Variants in RBFOX1 observed in about 807,000 individuals in gnomAD.
The protein encoded by RBFOX1 is RNA binding fox-1 homolog 1.
Under a neutral mutation model 57.7 loss-of-function variants are expected in RBFOX1, and 8 were observed. The observed-to-expected ratio is 0.14, with a 90% CI of 0.08 to 0.25. The LOEUF is 0.25. Ranked by LOEUF, RBFOX1 falls within the 10% of genes least tolerant of loss-of-function variation. The probability of loss-of-function intolerance (pLI) is 1.00; values close to 1 mark genes in which losing one functional copy is unlikely to be tolerated. For synonymous variants in RBFOX1, 326 were observed against 222.4 expected (o/e 1.47, Z -4.15); for missense variants, 611 against 548.5 (o/e 1.11, Z -1.14).
chr16:7,045,332 T>A (rs1334926042), intron 3 of RBFOX1, among the ~76,000 whole-genome samples: 1 of 152,200 alleles, frequency 6.6e-6, no homozygotes, highest in Non-Finnish European at 1.5e-5. Context: ...TAATATGGGA[T>A]GCTGTGCAGG....
chr16:6,760,342 G>C (rs943565589), intron 3 of RBFOX1, among the ~76,000 whole-genome samples: 6 of 152,142 alleles, frequency 3.9e-5, no homozygotes, highest in African/African-American at 1.2e-4. Flanking sequence ...GGGGAATCAA[G>C]ATGGTTTCAG....
intron 2 of RBFOX1, among the ~76,000 whole-genome samples, chr16:6,448,156 C>CTTTTTTTTTTTTTTTT (rs397969435): frequency 2.9e-4 from 23 of 78,470 alleles, no homozygotes; most frequent in East Asian, 9.3e-4. Flanking sequence ...TCTTTTCTTT[C>CTTTTTTTTTTTTTTTT]TTTTTTTTTT....
intron 1 of RBFOX1, among the ~76,000 whole-genome samples, chr16:5,294,060 C>T (rs987350279): frequency 3.3e-5 from 5 of 152,060 alleles, no homozygotes; most frequent in Non-Finnish European, 7.4e-5. Flanking sequence ...GAAACCCTAT[C>T]TCTATCAAAA....
intron 2 of RBFOX1, among the ~76,000 whole-genome samples, chr16:6,492,825 C>T (rs1163676574): frequency 6.6e-6 from 1 of 152,038 alleles, no homozygotes; most frequent in Non-Finnish European, 1.5e-5. Context: ...TGAGGAAGAG[C>T]CCAAAACTCA....
At chr16:7,708,172 C>T (rs1448210899) in intron 14 of RBFOX1, among the ~76,000 whole-genome samples, 2 of 151,908 alleles carry the variant, frequency 1.3e-5, no homozygotes, top group African/African-American at 4.8e-5. Context: ...GACTTTGTCT[C>T]CCCCCTCATA....
chr16:7,408,048 T>C (rs2098376547), intron 4 of RBFOX1, among the ~76,000 whole-genome samples: 1 of 152,196 alleles, frequency 6.6e-6, no homozygotes, highest in African/African-American at 2.4e-5. Context: ...AACCCTTGCT[T>C]TACACAACTG....
rs1368099240 is a variant in RBFOX1 at position 7,139,118 on chromosome 16, G to C, written c.27+87020G>C. ...CATGCATGGTCAACTTACAGATTTT[G>C]ATATTCTTACCAGTGTCTGGACATC... On this transcript the variant is annotated intron_variant, in intron 4 of 15. Transcript: ENST00000550418. Among the ~76,000 whole-genome samples, 3 of 151,028 alleles carry C rather than the reference G, an allele frequency of 2.0e-5. No homozygotes were observed. The East Asian group carries it at 5.9e-4, about 29-fold the overall frequency.
chr16:5,906,010 G>T (rs4786790), intron 4 of RBFOX1, among the ~76,000 whole-genome samples: 1 of 152,220 alleles, frequency 6.6e-6, no homozygotes, highest in South Asian at 2.1e-4. Flanking sequence ...GGCAGGGGAG[G>T]ATGCTGTCTG....
chr16:6,220,287 T>C (rs574199460), intron 1 of RBFOX1, among the ~76,000 whole-genome samples: 4 of 152,142 alleles, frequency 2.6e-5, no homozygotes, highest in Non-Finnish European at 5.9e-5. Flanking sequence ...CTTTCTTGAA[T>C]TGCTAAATTG....
chr16:6,601,284 G>A (rs112957614), intron 2 of RBFOX1, among the ~76,000 whole-genome samples: 1,565 of 152,060 alleles, frequency 0.01, 33 homozygotes, highest in African/African-American at 0.035. Flanking sequence ...AGAAAGATAC[G>A]GCTCTAGTAT....
At chr16:5,673,260 C>G (rs1047056024) in intron 3 of RBFOX1, among the ~76,000 whole-genome samples, 1 of 152,192 alleles carries the variant, frequency 6.6e-6, no homozygotes, top group Non-Finnish European at 1.5e-5. Flanking sequence ...CAACAAGAAG[C>G]AACCCACATT....
At chr16:6,944,089 C>G (rs919419881) in intron 3 of RBFOX1, among the ~76,000 whole-genome samples, 1 of 152,122 alleles carries the variant, frequency 6.6e-6, no homozygotes, top group African/African-American at 2.4e-5. Context: ...CAGGCCCAGG[C>G]TAGACTCTAC....
chr16:7,349,894 C>G (rs964240982), intron 4 of RBFOX1, among the ~76,000 whole-genome samples: 2 of 152,260 alleles, frequency 1.3e-5, no homozygotes, highest in Non-Finnish European at 1.5e-5. Flanking sequence ...TGCTTGTAAT[C>G]CCAACACTTT....
In RBFOX1 at chr16:6,601,924, A is replaced by G. The variant is rs116304873; in HGVS notation, c.-63-52679A>G. 2.5e-3 allele frequency among the ~76,000 whole-genome samples: 377 copies of G among 152,278 alleles called. 2 individuals are homozygous for G. Among genetic ancestry groups the G allele is most frequent in the African/African-American group, 8.7e-3 (360 of 41,546 alleles). ...ATTTTAAAGGACAGTGACCTTGACT[A>G]GTGGTAATGGGGTCAAATCATTAAT... On this transcript the variant is annotated intron_variant, in intron 2 of 15. Transcript: ENST00000550418.
intron 1 of RBFOX1, among the ~76,000 whole-genome samples, chr16:5,403,436 G>C (rs902654367): frequency 3.3e-5 from 5 of 151,614 alleles, no homozygotes; most frequent in Non-Finnish European, 5.9e-5. Flanking sequence ...AATATGCTCT[G>C]ATGTTTCTGT....
intron 2 of RBFOX1, among the ~76,000 whole-genome samples, chr16:6,480,299 A>G (rs892170065): frequency 1.3e-5 from 2 of 152,210 alleles, no homozygotes; most frequent in Admixed American, 6.5e-5. Flanking sequence ...TACATGTTAT[A>G]TGCATGTAAA....
chr16:6,652,676 C>T (rs1210625667), intron 2 of RBFOX1, among the ~76,000 whole-genome samples: 2 of 151,992 alleles, frequency 1.3e-5, no homozygotes, highest in East Asian at 1.9e-4. Context: ...TTATGGCATT[C>T]CTAGCCGACT....
At chr16:7,399,692 G>A (rs758685776) in intron 4 of RBFOX1, among the ~76,000 whole-genome samples, 26 of 151,530 alleles carry the variant, frequency 1.7e-4, no homozygotes, top group East Asian at 3.9e-4. Context: ...AGAATTTGTC[G>A]ATGGATTTAG....
At chr16:7,033,731 T>C (rs570148526) in intron 3 of RBFOX1, among the ~76,000 whole-genome samples, 3 of 152,146 alleles carry the variant, frequency 2.0e-5, no homozygotes, top group African/African-American at 4.8e-5. Flanking sequence ...TGGCGACTTA[T>C]GCCTGTAATC....
Sources: gnomAD v4.1 joint callset for allele counts (sites outside exome capture counted in the v4.1 genomes callset) on GRCh38, gnomAD v4.1.1 for gene constraint, MANE v1.5 for transcripts, NCBI Gene and HGNC (gene_info 2026-07-23, HGNC 2026-07-21) for gene names.